DNAJC21: variants seen among roughly 807,000 people sequenced by gnomAD.
DNAJC21 encodes the protein dnaJ homolog subfamily C member 21.
A neutral mutation model predicts 72.4 loss-of-function variants in DNAJC21; 63 were observed. The ratio of observed to expected loss-of-function variants is 0.87; its 90% CI spans 0.71 to 1.07. The LOEUF (loss-of-function observed/expected upper bound fraction) is 1.07, where lower values mean the gene tolerates loss of function less well. Among genes scored for constraint, DNAJC21 ranks in the 50% least tolerant of loss-of-function variants. DNAJC21 has a pLI of 0.00. For missense variants in DNAJC21, 634 were observed against 644.8 expected, an observed-to-expected ratio of 0.98 and a Z score of 0.18; for synonymous variants, 203 against 216.7, an observed-to-expected ratio of 0.94 and a Z score of 0.56.
rs558114969 is a variant in DNAJC21 at position 34,936,707 on chromosome 5, T to C, written c.438+441T>C. Among the ~76,000 whole-genome samples, 3 of 152,340 alleles carry C rather than the reference T, an allele frequency of 2.0e-5. No homozygotes were observed. The East Asian group carries it at 5.8e-4, about 29-fold the overall frequency. On this transcript the variant is annotated intron_variant, in intron 4 of 11. Transcript: ENST00000648817. ...CTTTCTGAAGTAGCTTTTCGATCTCTTGCAACCTTCCCCCTTTACTTTTCC... is the reference window on the plus strand; with the variant it reads ...CTTTCTGAAGTAGCTTTTCGATCTCCTGCAACCTTCCCCCTTTACTTTTCC...
rs1437570555 is a variant in DNAJC21 at position 34,929,881 on chromosome 5, A to C, written c.62A>C (p.Lys21Thr). 2 of 1,584,338 alleles carry C rather than the reference A, an allele frequency of 1.3e-6. No homozygotes were observed. The highest frequency in any genetic ancestry group is 2.4e-5 in the East Asian group (1 of 41,060). ...RRDASEEELK[K>T]AYRKLALKWH... is the part of the protein sequence containing the mutation. ...GACGCCAGCGAGGAGGAGCTCAAGA[A>C]GGCCTATCGGAAGCTGGCCCTGAAA... Residue 21 changes from lysine (K) to threonine (T), a missense_variant, in exon 1 of 12, where the codon AAG becomes ACG. Transcript: ENST00000648817.
At chr5:34,943,907 C>G (rs1765084930) in intron 7 of DNAJC21, among the ~76,000 whole-genome samples, 1 of 152,144 alleles carries the variant, frequency 6.6e-6, no homozygotes, top group Admixed American at 6.5e-5. Context: ...TTCAAACCAC[C>G]CTTGTGTCCT....
rs1764885400 is a variant in DNAJC21, at chr5:34,938,896, T to A, written c.782T>A (p.Met261Lys). The change falls in exon 6 of 12, where the codon ATG becomes AAG. Residue 261 changes from methionine to lysine, a missense_variant. Coordinates refer to ENST00000648817, the MANE Select transcript of DNAJC21 (RefSeq NM_001012339.3). ...TACAGAGAACAGAGCTGGATGACTA[T>A]GGCCAATTTGGAGAAAGAGCTCCAG... ...EQYREQSWMT[M>K]ANLEKELQEM... is the part of the protein sequence containing the mutation. 4.3e-6 allele frequency: 7 copies of A among 1,614,104 alleles called. No individual in the cohort carries two copies. The East Asian group carries it at 1.3e-4, about 31-fold the overall frequency.
chr5:34,929,710 G>T lies in DNAJC21; in HGVS notation c.-110G>T. On this transcript the variant is annotated 5_prime_UTR_variant, in exon 1 of 12. Coordinates refer to ENST00000648817, the MANE Select transcript of DNAJC21 (RefSeq NM_001012339.3). ...CGCTGGCTGGCCCGGTGCGGGCGGC[G>T]GACTCCCGCCGGAGAGGACTGCCAG... The T allele has an allele frequency of 2.9e-6, 1 of 350,542 alleles. No homozygotes were observed. The highest frequency in any genetic ancestry group is 4.0e-6 in the Non-Finnish European group (1 of 247,126). The allele number at this position is 350,542 out of a possible 1,614,324, so 21.7% of individuals were successfully genotyped here.
At chr5:34,936,759 A>AT (rs987215022) in intron 4 of DNAJC21, among the ~76,000 whole-genome samples, 3 of 149,892 alleles carry the variant, frequency 2.0e-5, no homozygotes, top group African/African-American at 7.5e-5. Flanking sequence ...TTATTTGTTT[A>AT]TTTTTTTTGA....
At chr5:34,953,110 A>G (rs554369895) in intron 10 of DNAJC21, among the ~76,000 whole-genome samples, 1 of 151,728 alleles carries the variant, frequency 6.6e-6, no homozygotes, top group African/African-American at 2.4e-5. Context: ...AGATCGCGCC[A>G]CTGCACTCGA....
intron 9 of DNAJC21, among the ~76,000 whole-genome samples, chr5:34,949,910 A>G (rs1182512920): frequency 6.6e-6 from 1 of 152,206 alleles, no homozygotes; most frequent in African/African-American, 2.4e-5. Flanking sequence ...ATTTTTTCAC[A>G]TAATTGAGTA....
intron 7 of DNAJC21, among the ~76,000 whole-genome samples, chr5:34,943,611 G>A (rs553998636): frequency 6.6e-6 from 1 of 152,186 alleles, no homozygotes; most frequent in Non-Finnish European, 1.5e-5. Context: ...AAACTATGCA[G>A]ATATCTTGCT....
rs1207170869 is a variant in DNAJC21 at position 34,957,906 on chromosome 5, A to G, written c.*3192A>G. Reference sequence around the variant, plus strand: ...TAATCTGCAATGCTGAAGTATCTCTATTCAATTCCCTTCCTTATCTGTTAA... The same window carrying G: ...TAATCTGCAATGCTGAAGTATCTCTGTTCAATTCCCTTCCTTATCTGTTAA... On this transcript the variant is annotated 3_prime_UTR_variant, in exon 12 of 12. Coordinates refer to ENST00000648817, the MANE Select transcript of DNAJC21 (RefSeq NM_001012339.3). 6.6e-6 allele frequency: 1 copy of G among 152,232 alleles called. No homozygotes were observed. The highest frequency in any genetic ancestry group is 1.5e-5 in the Non-Finnish European group (1 of 68,036). 9.4% of individuals were successfully genotyped at this position (152,232 alleles called of 1,614,324 possible). A position where few individuals can be genotyped will look rare whatever the true frequency, so the allele number is the denominator to read the frequency against.
At chr5:34,941,228 C>CAAA in intron 7 of DNAJC21, 45 bp downstream of exon 7, 1 of 1,544,160 alleles carries the variant, frequency 6.5e-7, no homozygotes, top group Non-Finnish European at 8.9e-7. Context: ...GACAGGGTCT[C>CAAA]ACTCTGTCAC....
chr5:34,936,188 G>T lies in DNAJC21; in HGVS notation c.360G>T (p.Lys120Asn). 6.2e-7 allele frequency: 1 copy of T among 1,614,042 alleles called. No individual in the cohort carries two copies. The highest frequency in any genetic ancestry group is 8.5e-7 in the Non-Finnish European group (1 of 1,179,986). ...VYRNVFEMIA[K>N]EELESVLEEE... ...GTAATGTTTTTGAAATGATTGCCAA[G>T]GAAGAACTAGAATCTGTGTTAGAGG... The change falls in exon 4 of 12, where the codon AAG (lysine) becomes AAT (asparagine). Residue 120 changes from lysine (K) to asparagine (N), a missense_variant. By Grantham distance (94) the Lys-to-Asn change is moderately conservative (BLOSUM62 0). Coordinates refer to ENST00000648817, the MANE Select transcript of DNAJC21 (RefSeq NM_001012339.3).
Position 34,945,934 on chromosome 5 carries a change from A to G in DNAJC21, c.1185+131A>G, listed in dbSNP as rs557193455. 93 of 637,464 alleles carry G rather than the reference A, an allele frequency of 1.5e-4. 1 individual carries two copies. The South Asian group carries it at 3.7e-3, about 26-fold the overall frequency. The allele number at this position is 637,464 out of a possible 1,614,324, so 39.5% of individuals were successfully genotyped here. A position where few individuals can be genotyped will look rare whatever the true frequency, so the allele number is the denominator to read the frequency against. ...TTTTATGTTGATTGTAAGATTGATT[A>G]AAAAGGAATTAGAAATATTTTCCTT... On this transcript the variant is annotated intron_variant, in intron 9 of 11. Transcript: ENST00000648817.
chr5:34,935,979 C>T lies in DNAJC21; in HGVS notation c.315+146C>T, dbSNP rs1764757788. 2.1e-6 allele frequency: 3 copies of T among 1,405,356 alleles called. No homozygotes were observed. In the Admixed American group the frequency reaches 6.9e-5, roughly 32 times the overall value. 87.1% of individuals were successfully genotyped at this position (1,405,356 alleles called of 1,614,324 possible). On this transcript the variant is annotated intron_variant, in intron 3 of 11. Transcript: ENST00000648817. ...AAGATGCATTGCCTTCATGTTTAAG[C>T]TGTCAGTGTATAAAAACCTCTAGTT...
At chr5:34,953,664 AG>A (rs375358704) in intron 10 of DNAJC21, 68 of 354,850 alleles carry the variant, frequency 1.9e-4, no homozygotes, top group Middle Eastern at 1.6e-3. Context: ...AGATATTTTA[AG>A]GACCTTGTTT....
At chr5:34,939,301 C>T (rs1561184743) in intron 6 of DNAJC21, among the ~76,000 whole-genome samples, 1 of 151,912 alleles carries the variant, frequency 6.6e-6, no homozygotes, top group Non-Finnish European at 1.5e-5. Flanking sequence ...CTCTGTCGCC[C>T]AGGCCGGACT....
At chr5:34,937,111 T>C (rs1163360759) in intron 4 of DNAJC21, among the ~76,000 whole-genome samples, 2 of 152,220 alleles carry the variant, frequency 1.3e-5, no homozygotes, top group Non-Finnish European at 2.9e-5. Flanking sequence ...TCCCATCTAG[T>C]GATTAGTAAG....
At chr5:34,953,194 T>G (rs917813781) in intron 10 of DNAJC21, among the ~76,000 whole-genome samples, 2 of 151,998 alleles carry the variant, frequency 1.3e-5, no homozygotes, top group Non-Finnish European at 2.9e-5. Context: ...TCATGTCAGA[T>G]CATTTATGAT....
chr5:34,931,214 C>A (rs147402407), intron 1 of DNAJC21, among the ~76,000 whole-genome samples: 2 of 152,060 alleles, frequency 1.3e-5, no homozygotes, highest in Non-Finnish European at 1.5e-5. Context: ...GGGTCTGTTA[C>A]TTAAAGTTAT....
intron 2 of DNAJC21, 66 bp downstream of exon 2, chr5:34,933,974 T>A: frequency 6.9e-7 from 1 of 1,452,700 alleles, no homozygotes; most frequent in South Asian, 1.3e-5. Flanking sequence ...ATATAGGTGG[T>A]TGTTTTTTCA....
Sources: allele counts gnomAD v4.1 joint callset (sites outside exome capture counted in the v4.1 genomes callset), GRCh38; gene constraint gnomAD v4.1.1; transcripts MANE v1.5; gene names NCBI Gene and HGNC (gene_info 2026-07-23, HGNC 2026-07-21).